Variants in SMPD2 observed in about 807,000 individuals in gnomAD.
The protein encoded by SMPD2 is N-SMase.
SMPD2 carries 35 observed loss-of-function variants against 41.7 expected under a neutral mutation model. The ratio of observed to expected loss-of-function variants is 0.84; its 90% CI spans 0.64 to 1.11. The LOEUF (loss-of-function observed/expected upper bound fraction) is 1.11. Among genes scored for constraint, SMPD2 ranks in the 50% most tolerant of loss-of-function variants. The probability of loss-of-function intolerance (pLI) is 0.00; values close to 1 mark genes in which losing one functional copy is unlikely to be tolerated. For missense variants in SMPD2, 520 were observed against 524.8 expected (o/e 0.99, Z 0.09); for synonymous variants, 201 against 208.2 (o/e 0.97, Z 0.30).
Position 109,442,078 on chromosome 6 carries a change from C to T in SMPD2, c.318+11C>T. 6.2e-7 allele frequency: 1 copy of T among 1,601,690 alleles called. No individual in the cohort carries two copies. Among genetic ancestry groups the T allele is most frequent in the Non-Finnish European group, 8.6e-7 (1 of 1,168,616 alleles). The stretch of plus-strand genomic sequence containing the variant: ...GGCTACCCCTACATGGTAAGGCAGA[C>T]CTTTGACCTCTTCCACCTCCCTTCC... On this transcript the variant is annotated intron_variant, in intron 4 of 9. Coordinates refer to ENST00000258052, the MANE Select transcript of SMPD2 (RefSeq NM_003080.3).
At position 109,443,639 on chromosome 6, in the gene SMPD2, C is replaced by G. The variant is rs766130112; in HGVS notation, c.1006C>G (p.Leu336Val). Residue 336 changes from leucine (L) to valine (V), a missense_variant, in exon 10 of 10, where the codon CTT becomes GTT. Leu to Val is a conservative substitution (Grantham distance 32). Transcript: ENST00000258052. ...TAGCTATGTGATTGGCCTGGGGCTG[C>G]TTCTCCTGGCACTGCTGTGTGTCCT... ...FASYVIGLGLLLLALLCVLAA... is the reference protein window; with the variant it reads ...FASYVIGLGLVLLALLCVLAA... 2.5e-6 allele frequency: 4 copies of G among 1,613,924 alleles called. No individual in the cohort carries two copies. In the South Asian group the frequency reaches 3.3e-5, roughly 13 times the overall value.
intron 3 of SMPD2, among the ~76,000 whole-genome samples, 170 bp from the exon 4 acceptor site, chr6:109,441,804 G>A (rs1478326519): frequency 1.3e-5 from 2 of 152,224 alleles, no homozygotes; most frequent in Non-Finnish European, 2.9e-5. Context: ...TTTCAGCTTT[G>A]TTTTCTGGCT....
At position 109,443,100 on chromosome 6, in the gene SMPD2, A is replaced by G. The variant is rs762948610; in HGVS notation, c.729+19A>G. The G allele has an allele frequency of 2.5e-6, 4 of 1,596,948 alleles. No homozygotes were observed. The Admixed American group carries it at 5.0e-5, about 20-fold the overall frequency. ...TTACAAGGTCAGGCTCCTCCCTTCAACATGCTTTCATATGCTGTGTCTCTT... is the reference window on the plus strand; with the variant it reads ...TTACAAGGTCAGGCTCCTCCCTTCAGCATGCTTTCATATGCTGTGTCTCTT... On this transcript the variant is annotated intron_variant, in intron 8 of 9. Transcript: ENST00000258052.
chr6:109,441,068 C>A lies in SMPD2; in HGVS notation c.-54C>A. 1.3e-6 allele frequency: 2 copies of A among 1,594,728 alleles called. No homozygotes were observed. Among genetic ancestry groups the A allele is most frequent in the Non-Finnish European group, 8.6e-7 (1 of 1,163,376 alleles). ...CGCCGCCGGCCGCCCCCGTCCCCAC[C>A]GCGGCCGTCGCTGGAGAGTTCGAGC... is the stretch of plus-strand genomic sequence containing the variant. On this transcript the variant is annotated 5_prime_UTR_variant, in exon 1 of 10. Coordinates refer to ENST00000258052, the MANE Select transcript of SMPD2 (RefSeq NM_003080.3).
At chr6:109,443,147 C>A in intron 8 of SMPD2, 66 bp downstream of exon 8, 1 of 1,492,936 alleles carries the variant, frequency 6.7e-7, no homozygotes, top group East Asian at 2.4e-5. Context: ...CTGTGTAGAT[C>A]CTTTGCTCAG....
intron 4 of SMPD2, 24 bp from the exon 5 acceptor site, chr6:109,442,186 G>C (rs1774934692): frequency 6.2e-7 from 1 of 1,612,656 alleles, no homozygotes; most frequent in African/African-American, 1.3e-5. Flanking sequence ...GGTGCCCTGA[G>C]TTTCTATCTC....
Position 109,443,722 on chromosome 6 carries a change from G to A in SMPD2, c.1089G>A (p.Gly363=). Residue 363 remains glycine (G), a synonymous_variant, in exon 10 of 10, where the codon GGG becomes GGA. Coordinates refer to ENST00000258052, the MANE Select transcript of SMPD2 (RefSeq NM_003080.3). ...AAILLWTPSV[G]LVLWAGAFYL... ...TACTGCTCTGGACCCCCAGTGTAGG[G>A]CTGGTGCTGTGGGCAGGTGCATTCT... The A allele has an allele frequency of 1.2e-6, 2 of 1,613,888 alleles. No homozygotes were observed. The highest frequency in any genetic ancestry group is 1.7e-6 in the Non-Finnish European group (2 of 1,179,898).
Position 109,443,372 on chromosome 6 carries a change from C to G in SMPD2, c.835C>G (p.Leu279Val), listed in dbSNP as rs1775039150. 1 of 1,614,014 alleles carries G rather than the reference C, an allele frequency of 6.2e-7. No individual in the cohort carries two copies. Among genetic ancestry groups the G allele is most frequent in the African/African-American group, 1.3e-5 (1 of 74,934 alleles). ...TGATCATGAAGCCCTGATGGCTACT[C>G]TGTTTGTGAGGCACAGCCCCCCACA... ...LSDHEALMAT[L>V]FVRHSPPQQN... The change falls in exon 9 of 10, where the codon CTG (leucine) becomes GTG (valine). Residue 279 changes from leucine to valine, a missense_variant. Leu to Val is a conservative substitution (Grantham distance 32, BLOSUM62 1). Coordinates refer to ENST00000258052, the MANE Select transcript of SMPD2 (RefSeq NM_003080.3).
In SMPD2 at chr6:109,443,671, T is replaced by G; in HGVS notation, c.1038T>G (p.Ala346=). The change falls in exon 10 of 10, where the codon GCT becomes GCG. Residue 346 remains alanine (A), a synonymous_variant. Coordinates refer to ENST00000258052, the MANE Select transcript of SMPD2 (RefSeq NM_003080.3). ...TGGCACTGCTGTGTGTCCTGGCGGC[T>G]GGAGGAGGGGCCGGGGAAGCTGCCA... is the stretch of plus-strand genomic sequence containing the variant. ...LLLALLCVLA[A]GGGAGEAAIL... 1 of 1,613,942 alleles carries G rather than the reference T, an allele frequency of 6.2e-7. No homozygotes were observed.
chr6:109,441,564 C>T lies in SMPD2; in HGVS notation c.160C>T (p.Gln54Ter), dbSNP rs569904970. 15 of 1,614,090 alleles carry T rather than the reference C, an allele frequency of 9.3e-6. No homozygotes were observed. Among genetic ancestry groups the T allele is most frequent in the Non-Finnish European group, 1.3e-5 (15 of 1,180,020 alleles). The stretch of plus-strand genomic sequence containing the variant: ...CCGCTTCCCTCAGGTGTGGAGTGAG[C>T]AGGACTTCCAGTACCTGAGACAGAA... ...LALLEEVWSEQDFQYLRQKLS... is the reference protein window; with the variant it reads ...LALLEEVWSE Residue 54 changes from glutamine to a stop codon, truncating the protein, a stop_gained, in exon 3 of 10, where the codon CAG becomes TAG. Transcript: ENST00000258052. LOFTEE classifies it high-confidence loss of function.
rs1774842363 is a variant in SMPD2, at chr6:109,441,013, C to T, written c.-109C>T. 3 of 1,148,390 alleles carry T rather than the reference C, an allele frequency of 2.6e-6. No individual in the cohort carries two copies. The highest frequency in any genetic ancestry group is 3.8e-6 in the Non-Finnish European group (3 of 784,134). 71.1% of individuals were successfully genotyped at this position (1,148,390 alleles called of 1,614,324 possible). A position where few individuals can be genotyped will look rare whatever the true frequency, so the allele number is the denominator to read the frequency against. On this transcript the variant is annotated 5_prime_UTR_variant, in exon 1 of 10. Transcript: ENST00000258052. ...CTTGGTGCCCACCTGTGCGCGCCGC[C>T]TGCGAAGAAGGAACGGTCTGGGGAG...
chr6:109,442,605 G>C lies in SMPD2; in HGVS notation c.471G>C (p.Trp157Cys), dbSNP rs1455661675. 2.5e-6 allele frequency: 4 copies of C among 1,614,056 alleles called. No individual in the cohort carries two copies. Among genetic ancestry groups the C allele is most frequent in the Non-Finnish European group, 3.4e-6 (4 of 1,180,038 alleles). The part of the protein sequence containing the change: ...IYLAHRVAQA[W>C]ELAQFIHHTS... ...TAGCACATCGTGTGGCCCAAGCTTG[G>C]GAATTGGCCCAGTTCATCCAGTGTG... is the stretch of plus-strand genomic sequence containing the variant. The change falls in exon 6 of 10, where the codon TGG becomes TGC. Residue 157 changes from tryptophan (W) to cysteine (C), a missense_variant. Coordinates refer to ENST00000258052, the MANE Select transcript of SMPD2 (RefSeq NM_003080.3).
chr6:109,442,279 C>G lies in SMPD2; in HGVS notation c.388C>G (p.Leu130Val). ...GGTGCTCCATCTAAGTGGCATGGTG[C>G]TCAACGCCTATGTGACCCATGTGAG... ...LLVLHLSGMVLNAYVTHLHAE... is the reference protein window; with the variant it reads ...LLVLHLSGMVVNAYVTHLHAE... Residue 130 changes from leucine to valine, a missense_variant, in exon 5 of 10, where the codon CTC (leucine) becomes GTC (valine). Physicochemically the swap from Leu to Val is conservative, Grantham distance 32 (BLOSUM62 1). Coordinates refer to ENST00000258052, the MANE Select transcript of SMPD2 (RefSeq NM_003080.3). 1 of 1,614,154 alleles carries G rather than the reference C, an allele frequency of 6.2e-7. No individual in the cohort carries two copies. Among genetic ancestry groups the G allele is most frequent in the Non-Finnish European group, 8.5e-7 (1 of 1,179,998 alleles).
Position 109,441,372 on chromosome 6 carries a change from G to C in SMPD2, c.66G>C (p.Leu22Phe). 1 of 1,614,048 alleles carries C rather than the reference G, an allele frequency of 6.2e-7. No homozygotes were observed. Among genetic ancestry groups the C allele is most frequent in the African/African-American group, 1.3e-5 (1 of 75,056 alleles). ...CCTTCCTTAGGGGCATTCCGTACTT[G>C]AGCAAGCACCGGGCCGACCGCATGA... Reference protein sequence around the residue: ...FNLNCWGIPYLSKHRADRMRR... With the variant: ...FNLNCWGIPYFSKHRADRMRR... Residue 22 changes from leucine to phenylalanine, a missense_variant, in exon 2 of 10, where the codon TTG becomes TTC. Physicochemically the swap from Leu to Phe is conservative, Grantham distance 22 (BLOSUM62 0). Coordinates refer to ENST00000258052, the MANE Select transcript of SMPD2 (RefSeq NM_003080.3).
At chr6:109,442,478 C>A in intron 5 of SMPD2, 65 bp from the exon 6 acceptor site, 2 of 1,469,896 alleles carry the variant, frequency 1.4e-6, no homozygotes, top group Non-Finnish European at 1.9e-6. Context: ...CAGACACAGG[C>A]TTGATTCAGA....
At position 109,442,560 on chromosome 6, in the gene SMPD2, T is replaced by G; in HGVS notation, c.426T>G (p.Asn142Lys). Reference protein sequence around the residue: ...AYVTHLHAEYNRQKDIYLAHR... With the variant: ...AYVTHLHAEYKRQKDIYLAHR... Reference sequence around the variant, plus strand: ...TTGCTCAGCTCCATGCCGAATACAATCGACAGAAGGACATCTACCTAGCAC... The same window carrying G: ...TTGCTCAGCTCCATGCCGAATACAAGCGACAGAAGGACATCTACCTAGCAC... The change falls in exon 6 of 10, where the codon AAT becomes AAG. Residue 142 changes from asparagine to lysine, a missense_variant. By Grantham distance (94) the Asn-to-Lys change is moderately conservative. Transcript: ENST00000258052. The G allele has an allele frequency of 6.2e-7, 1 of 1,613,434 alleles. No homozygotes were observed. Among genetic ancestry groups the G allele is most frequent in the Non-Finnish European group, 8.5e-7 (1 of 1,179,568 alleles).
At position 109,442,176 on chromosome 6, in the gene SMPD2, G is replaced by A. The variant is rs74636418; in HGVS notation, c.319-34G>A. 4,101 of 1,606,474 alleles carry A rather than the reference G, an allele frequency of 2.6e-3. 96 individuals are homozygous for A. The African/African-American group carries it at 0.047, about 18-fold the overall frequency. ...AGGGGATGGGCAGAAAGATGGTGGC[G>A]GTGCCCTGAGTTTCTATCTCCTCCT... is the stretch of plus-strand genomic sequence containing the variant. On this transcript the variant is annotated intron_variant, in intron 4 of 9. Transcript: ENST00000258052.
Position 109,441,397 on chromosome 6 carries a change from A to C in SMPD2, c.91A>C (p.Arg31=), listed in dbSNP as rs749621. ...YLSKHRADRM[R]RLGDFLNQES... ...GAGCAAGCACCGGGCCGACCGCATG[A>C]GGCGCCTGGGAGACTTTCTGAACCA... Residue 31 remains arginine (R), a synonymous_variant, in exon 2 of 10, where the codon AGG becomes CGG. Transcript: ENST00000258052. The C allele has an allele frequency of 0.072, 116,311 of 1,613,964 alleles. 4,799 individuals carry two copies. Among genetic ancestry groups the C allele is most frequent in the Admixed American group, 0.14 (8,345 of 60,010 alleles).
Position 109,442,031 on chromosome 6 carries a change from C to CCAG in SMPD2, c.285_287dup (p.Gln95dup). 3 of 1,614,040 alleles carry CCAG rather than the reference C, an allele frequency of 1.9e-6. No homozygotes were observed. The South Asian group carries it at 3.3e-5, about 18-fold the overall frequency. ...CCAAACATCCAATCCAGGAGCTTAC[C>CCAG]CAGCACATCTACACTCTCAATGGCT... On this transcript the variant is annotated inframe_insertion, in exon 4 of 10. Coordinates refer to ENST00000258052, the MANE Select transcript of SMPD2 (RefSeq NM_003080.3).
Sources: allele counts gnomAD v4.1 joint callset (sites outside exome capture counted in the v4.1 genomes callset), GRCh38; gene constraint gnomAD v4.1.1; transcripts MANE v1.5; gene names NCBI Gene and HGNC (gene_info 2026-07-23, HGNC 2026-07-21).